The following GOLGA3 variants were observed in gnomAD, a reference collection of about 807,000 sequenced individuals.
GOLGA3 encodes golgin subfamily A member 3.
In GOLGA3, 75 loss-of-function variants were observed where a neutral mutation model predicts 169.4. That is an observed-to-expected ratio of 0.44 (90% CI 0.37 to 0.54). The LOEUF (loss-of-function observed/expected upper bound fraction) is 0.54, where lower values mean the gene tolerates loss of function less well. GOLGA3 is among the 20% of genes least tolerant of loss of function. The pLI is 0.00. For missense variants in GOLGA3, 1,899 were observed against 1,930.0 expected, an observed-to-expected ratio of 0.98 and a Z score of 0.30; for synonymous variants, 824 against 822.4, an observed-to-expected ratio of 1.00 and a Z score of -0.03.
chr12:132,792,107 C>T (rs1167441576), intron 11 of GOLGA3, among the ~76,000 whole-genome samples: 2 of 152,154 alleles, frequency 1.3e-5, no homozygotes, highest in Non-Finnish European at 2.9e-5. Context: ...ACAGACATTA[C>T]ACTGATGGCT....
At position 132,808,339 on chromosome 12, in the gene GOLGA3, G is replaced by A. The variant is rs554041677; in HGVS notation, c.730C>T (p.Arg244Trp). Residue 244 changes from arginine to tryptophan, a missense_variant, in exon 5 of 24, where the codon CGG (arginine) becomes TGG (tryptophan). Coordinates refer to ENST00000450791, the MANE Select transcript of GOLGA3 (RefSeq NM_001389683.1). ...EKKTSKSSKI[R>W]SLADYRTEDS... The stretch of plus-strand genomic sequence containing the variant: ...TCAGTTCTGTAATCGGCCAGAGACC[G>A]GATTTTGCTTGATTTGGAAGTTTTT... 5.6e-6 allele frequency: 9 copies of A among 1,614,070 alleles called. No individual in the cohort carries two copies. The highest frequency in any genetic ancestry group is 4.4e-5 in the South Asian group (4 of 91,080).
intron 15 of GOLGA3, among the ~76,000 whole-genome samples, chr12:132,785,593 G>A (rs1371037254): frequency 1.3e-5 from 2 of 152,184 alleles, no homozygotes; most frequent in Non-Finnish European, 2.9e-5. Context: ...GATTATAGGT[G>A]TGAGCCACCG....
chr12:132,797,240 C>G (rs936883831), intron 9 of GOLGA3, among the ~76,000 whole-genome samples: 7 of 152,202 alleles, frequency 4.6e-5, no homozygotes, highest in Non-Finnish European at 1.0e-4. Context: ...GAGGTGGGAG[C>G]AGTCGCAGGA....
rs566406538 is a variant in GOLGA3, at chr12:132,816,880, C to T, written c.134-68G>A. On this transcript the variant is annotated intron_variant, in intron 2 of 23. Coordinates refer to ENST00000450791, the MANE Select transcript of GOLGA3 (RefSeq NM_001389683.1). ...AAGGTGACGTCGCTTTTCAGACATG[C>T]AGCTGGAGTAGGAGAGAAGAGGATC... The T allele has an allele frequency of 2.8e-5, 38 of 1,361,818 alleles. No individual in the cohort carries two copies. In the African/African-American group the frequency reaches 4.4e-4, roughly 16 times the overall value. 84.4% of individuals were successfully genotyped at this position (1,361,818 alleles called of 1,614,324 possible).
At chr12:132,788,230 C>T (rs2046030227) in intron 13 of GOLGA3, among the ~76,000 whole-genome samples, 1 of 152,216 alleles carries the variant, frequency 6.6e-6, no homozygotes, top group Non-Finnish European at 1.5e-5. Flanking sequence ...CTCAGCCTGG[C>T]TCCTAATGAG....
At chr12:132,807,681 C>T (rs1462608958) in intron 5 of GOLGA3, among the ~76,000 whole-genome samples, 3 of 152,142 alleles carry the variant, frequency 2.0e-5, no homozygotes, top group Non-Finnish European at 4.4e-5. Context: ...AGCTGTGTAT[C>T]ACCTGTTCCA....
rs776077686 is a variant in GOLGA3 at position 132,772,543 on chromosome 12, C to CCAAAAAA, written c.*561_*562insTTTTTTG. ...TGGGCAACAAAGCGAGACTCTGTCT[C>CCAAAAAA]AAAAAAAAAAAAAAAAAAAAAACAA... is the stretch of plus-strand genomic sequence containing the variant. On this transcript the variant is annotated 3_prime_UTR_variant, in exon 24 of 24. Coordinates refer to ENST00000450791, the MANE Select transcript of GOLGA3 (RefSeq NM_001389683.1). 1.2e-5 allele frequency: 1 copy of CCAAAAAA among 86,162 alleles called. No individual in the cohort carries two copies. Among genetic ancestry groups the CCAAAAAA allele is most frequent in the African/African-American group, 4.8e-5 (1 of 20,698 alleles). 5.3% of individuals were successfully genotyped at this position (86,162 alleles called of 1,614,324 possible).
Position 132,815,716 on chromosome 12 carries a change from T to G in GOLGA3, c.406+824A>C, listed in dbSNP as rs114102339. On this transcript the variant is annotated intron_variant, in intron 3 of 23. Coordinates refer to ENST00000450791, the MANE Select transcript of GOLGA3 (RefSeq NM_001389683.1). ...TTCAAGACCAGCCTGGGAAACATGG[T>G]GAGACCCCGTTTCTACACACACAAA... Among the ~76,000 whole-genome samples the G allele has an allele frequency of 4.4e-3, 662 of 151,732 alleles. 2 individuals carry two copies. The highest frequency in any genetic ancestry group is 0.015 in the African/African-American group (622 of 41,298).
At position 132,795,870 on chromosome 12, in the gene GOLGA3, T is replaced by C; in HGVS notation, c.2451A>G (p.Leu817=). 12 of 1,613,118 alleles carry C rather than the reference T, an allele frequency of 7.4e-6. No individual in the cohort carries two copies. Among genetic ancestry groups the C allele is most frequent in the Non-Finnish European group, 1.0e-5 (12 of 1,179,094 alleles). Reference sequence around the variant, plus strand: ...GCATTACCTGGCCGGATTTGATAGCTAATTCTTCTCTTAACTTCTCTAAAG... The same window carrying C: ...GCATTACCTGGCCGGATTTGATAGCCAATTCTTCTCTTAACTTCTCTAAAG... ...SETLEKLREE[L]AIKSGQVEHL... Residue 817 remains leucine, a synonymous_variant, in exon 11 of 24, where the codon TTA becomes TTG. Coordinates refer to ENST00000450791, the MANE Select transcript of GOLGA3 (RefSeq NM_001389683.1).
rs375818618 is a variant in GOLGA3 at position 132,780,956 on chromosome 12, A to T, written c.3466-42T>A. 2.4e-5 allele frequency: 35 copies of T among 1,442,264 alleles called. No individual in the cohort carries two copies. The African/African-American group carries it at 4.2e-4, about 17-fold the overall frequency. The allele number at this position is 1,442,264 out of a possible 1,614,324, so 89.3% of individuals were successfully genotyped here. On this transcript the variant is annotated intron_variant, in intron 17 of 23. Coordinates refer to ENST00000450791, the MANE Select transcript of GOLGA3 (RefSeq NM_001389683.1). Reference sequence around the variant, plus strand: ...GAGGACAGATAAGGAAGGACGTCGAATTACAAACACACAAGGCTGCTACAG... The same window carrying T: ...GAGGACAGATAAGGAAGGACGTCGATTTACAAACACACAAGGCTGCTACAG...
In GOLGA3 at chr12:132,773,082, G is replaced by A. The variant is rs1324211480; in HGVS notation, c.*23C>T. 1.8e-5 allele frequency: 27 copies of A among 1,488,452 alleles called. No homozygotes were observed. Among genetic ancestry groups the A allele is most frequent in the East Asian group, 1.0e-4 (4 of 39,438 alleles). 92.2% of individuals were successfully genotyped at this position (1,488,452 alleles called of 1,614,324 possible). A position where few individuals can be genotyped will look rare whatever the true frequency, so the allele number is the denominator to read the frequency against. ...GATAAGAGCCTTCTGGGGCAGCGGCGCACGGAGGCGAGTCCACAGCAGTCA... is the reference window on the plus strand; with the variant it reads ...GATAAGAGCCTTCTGGGGCAGCGGCACACGGAGGCGAGTCCACAGCAGTCA... On this transcript the variant is annotated 3_prime_UTR_variant, in exon 24 of 24. Coordinates refer to ENST00000450791, the MANE Select transcript of GOLGA3 (RefSeq NM_001389683.1).
intron 4 of GOLGA3, among the ~76,000 whole-genome samples, chr12:132,809,613 T>C (rs1360087770): frequency 1.3e-5 from 2 of 152,322 alleles, no homozygotes. Context: ...AACAGAAGGC[T>C]TGCACTCTTG....
chr12:132,823,919 C>T (rs1316178192), intron 1 of GOLGA3, among the ~76,000 whole-genome samples: 5 of 151,958 alleles, frequency 3.3e-5, no homozygotes, highest in Non-Finnish European at 5.9e-5. Context: ...CTCGTCTCTA[C>T]TAAAAATACA....
intron 15 of GOLGA3, 25 bp from the exon 16 acceptor site, chr12:132,784,332 C>A: frequency 6.3e-7 from 1 of 1,592,308 alleles, no homozygotes; most frequent in Non-Finnish European, 8.5e-7. Context: ...GGAACGGGCG[C>A]TTGGTCATGG....
rs371054033 is a variant in GOLGA3, at chr12:132,789,282, C to T, written c.2556G>A (p.Val852=). 2 of 1,593,046 alleles carry T rather than the reference C, an allele frequency of 1.3e-6. No homozygotes were observed. Among genetic ancestry groups the T allele is most frequent in the East Asian group, 2.2e-5 (1 of 44,712 alleles). ...AGGTGGCGTCGCGCCGGTAGGCCTC[C>T]ACCATCACCTGCCAAAGACAGAGGC... ...KEQFLQQKVM[V]EAYRRDATSK... Residue 852 remains valine (V), a synonymous_variant, in exon 13 of 24, where the codon GTG becomes GTA. Transcript: ENST00000450791.
intron 7 of GOLGA3, among the ~76,000 whole-genome samples, chr12:132,803,814 C>T (rs1007969830): frequency 6.6e-6 from 1 of 152,126 alleles, no homozygotes; most frequent in Non-Finnish European, 1.5e-5. Flanking sequence ...CACCAGGGAC[C>T]CCTGGCTCAG....
intron 1 of GOLGA3, chr12:132,825,839 C>T (rs1950390033): frequency 9.6e-7 from 1 of 1,036,892 alleles, no homozygotes; most frequent in South Asian, 1.3e-5. Context: ...CTTCAAGACA[C>T]CCAAAGAGGC....
rs1436307677 is a variant in GOLGA3, at chr12:132,822,248, T to C, written c.-120A>G. Reference sequence around the variant, plus strand: ...GGGAGGGGCCCTACTGTGTCTCCCATTTTCAGGAGAAGATCTGATGACTCA... The same window carrying C: ...GGGAGGGGCCCTACTGTGTCTCCCACTTTCAGGAGAAGATCTGATGACTCA... On this transcript the variant is annotated 5_prime_UTR_variant, in exon 2 of 24. An upstream start codon of the reference 5' UTR is lost. Transcript: ENST00000450791. 1 of 1,419,248 alleles carries C rather than the reference T, an allele frequency of 7.0e-7. No homozygotes were observed. Among genetic ancestry groups the C allele is most frequent in the East Asian group, 3.0e-5 (1 of 33,696 alleles). The allele number at this position is 1,419,248 out of a possible 1,614,324, so 87.9% of individuals were successfully genotyped here.
At chr12:132,796,944 A>G (rs1052764825) in intron 9 of GOLGA3, among the ~76,000 whole-genome samples, 1 of 152,220 alleles carries the variant, frequency 6.6e-6, no homozygotes, top group Non-Finnish European at 1.5e-5. Context: ...CCCACTGGTG[A>G]GCAGAGCCTC....
Sources: gnomAD v4.1 joint callset for allele counts (sites outside exome capture counted in the v4.1 genomes callset) on GRCh38, gnomAD v4.1.1 for gene constraint, MANE v1.5 for transcripts, NCBI Gene and HGNC (gene_info 2026-07-23, HGNC 2026-07-21) for gene names.